The following KCNMB2 variants were observed in gnomAD, a reference collection of about 807,000 sequenced individuals.
The protein encoded by KCNMB2 is calcium-activated potassium channel subunit beta-2.
In KCNMB2, 9 loss-of-function variants were observed where a neutral mutation model predicts 24.5. That is an observed-to-expected ratio of 0.37 (90% CI 0.22 to 0.64). The LOEUF (loss-of-function observed/expected upper bound fraction) is 0.64, where lower values mean the gene tolerates loss of function less well. Among genes scored for constraint, KCNMB2 ranks in the 30% least tolerant of loss-of-function variants. The pLI, the probability that KCNMB2 is intolerant of heterozygous loss-of-function variation, is 0.63. For missense variants in KCNMB2, 226 were observed against 284.3 expected, an observed-to-expected ratio of 0.79 and a Z score of 1.47; for synonymous variants, 109 against 104.4, an observed-to-expected ratio of 1.04 and a Z score of -0.27.
chr3:178,711,929 T>C (rs755714969), intron 1 of KCNMB2, among the ~76,000 whole-genome samples: 8 of 152,218 alleles, frequency 5.3e-5, no homozygotes, highest in African/African-American at 9.6e-5. Flanking sequence ...GTTATGAGGA[T>C]TAACTAAAAT....
In KCNMB2 at chr3:178,749,844, T is replaced by C. The variant is rs115457287; in HGVS notation, c.-67-57499T>C. Among the ~76,000 whole-genome samples the C allele has an allele frequency of 2.7e-3, 407 of 152,312 alleles. 3 individuals are homozygous for C. The highest frequency in any genetic ancestry group is 9.2e-3 in the African/African-American group (381 of 41,574). ...GAAAATAGATGTATGAATACAGAGGTAGCTGAGAAGTGTTTCTAACCTCTG... is the reference window on the plus strand; with the variant it reads ...GAAAATAGATGTATGAATACAGAGGCAGCTGAGAAGTGTTTCTAACCTCTG... On this transcript the variant is annotated intron_variant, in intron 1 of 4. Transcript: ENST00000452583.
intron 1 of KCNMB2, among the ~76,000 whole-genome samples, chr3:178,668,062 G>A (rs1343982349): frequency 6.6e-6 from 1 of 152,140 alleles, no homozygotes; most frequent in Non-Finnish European, 1.5e-5. Context: ...TAAACATCCA[G>A]AAGAGAACTC....
intron 1 of KCNMB2, among the ~76,000 whole-genome samples, chr3:178,758,008 T>G (rs1167662956): frequency 1.3e-3 from 2 of 1,576 alleles, no homozygotes; most frequent in Non-Finnish European, 3.1e-3. Flanking sequence ...TCTAGATATA[T>G]ATATATATAT....
intron 2 of KCNMB2, among the ~76,000 whole-genome samples, chr3:178,813,482 A>G (rs1164895566): frequency 6.6e-6 from 1 of 152,170 alleles, no homozygotes; most frequent in Non-Finnish European, 1.5e-5. Flanking sequence ...TTTTCTATCA[A>G]TCAACCTTGT....
At chr3:178,778,072 T>A (rs1224456911) in intron 1 of KCNMB2, among the ~76,000 whole-genome samples, 2 of 152,276 alleles carry the variant, frequency 1.3e-5, no homozygotes, top group Non-Finnish European at 2.9e-5. Context: ...ACAATGACTA[T>A]TTTTTTACCT....
intron 1 of KCNMB2, among the ~76,000 whole-genome samples, chr3:178,771,132 T>C (rs1712332708): frequency 6.6e-6 from 1 of 152,152 alleles, no homozygotes; most frequent in Non-Finnish European, 1.5e-5. Context: ...GCTCTTCTTT[T>C]GCTCACACAC....
chr3:178,547,108 G>A (rs1423339143), intron 1 of KCNMB2, among the ~76,000 whole-genome samples: 2 of 152,210 alleles, frequency 1.3e-5, no homozygotes, highest in Admixed American at 6.5e-5. Flanking sequence ...TTTCGCTGGA[G>A]TGGGTTAGTT....
intron 1 of KCNMB2, among the ~76,000 whole-genome samples, chr3:178,549,469 C>T (rs1715875535): frequency 1.4e-5 from 2 of 147,228 alleles, no homozygotes; most frequent in Admixed American, 6.8e-5. Flanking sequence ...CACCACAATG[C>T]CCAGCTTTTT....
intron 1 of KCNMB2, among the ~76,000 whole-genome samples, chr3:178,803,604 T>G (rs1713855453): frequency 6.6e-6 from 1 of 152,208 alleles, no homozygotes; most frequent in African/African-American, 2.4e-5. Context: ...GACACAGTCC[T>G]GCCCTACAGA....
At chr3:178,737,206 G>T (rs1355756164) in intron 1 of KCNMB2, among the ~76,000 whole-genome samples, 2 of 152,064 alleles carry the variant, frequency 1.3e-5, no homozygotes, top group South Asian at 2.1e-4. Context: ...GGAGGCGGAG[G>T]TTGCAGTGAG....
intron 1 of KCNMB2, among the ~76,000 whole-genome samples, chr3:178,693,262 C>T (rs566663101): frequency 1.3e-5 from 2 of 152,278 alleles, no homozygotes; most frequent in East Asian, 3.9e-4. Context: ...GCCTGATTGT[C>T]CTGGCCAGGA....
intron 4 of KCNMB2, among the ~76,000 whole-genome samples, chr3:178,829,499 T>C (rs779709966): frequency 2.6e-5 from 4 of 152,196 alleles, no homozygotes; most frequent in Non-Finnish European, 4.4e-5. Context: ...TCAGAGAATG[T>C]TGTTTGAAAA....
intron 1 of KCNMB2, among the ~76,000 whole-genome samples, chr3:178,615,358 G>T (rs1362886076): frequency 6.6e-6 from 1 of 150,440 alleles, no homozygotes; most frequent in East Asian, 1.9e-4. Context: ...TTCCCTTCAG[G>T]ATGGTGAATT....
intron 1 of KCNMB2, among the ~76,000 whole-genome samples, chr3:178,670,558 T>A (rs982240989): frequency 6.6e-6 from 1 of 152,186 alleles, no homozygotes; most frequent in Non-Finnish European, 1.5e-5. Context: ...TGATGGCTCA[T>A]TGTTCAACTC....
intron 1 of KCNMB2, among the ~76,000 whole-genome samples, chr3:178,586,528 T>C (rs1717435922): frequency 7.2e-6 from 1 of 139,840 alleles, no homozygotes; most frequent in Middle Eastern, 3.6e-3. Context: ...CTTTTCTTTT[T>C]TTTTTCTTTC....
chr3:178,576,753 A>G (rs942959989), intron 1 of KCNMB2, among the ~76,000 whole-genome samples: 1 of 152,156 alleles, frequency 6.6e-6, no homozygotes, highest in African/African-American at 2.4e-5. Flanking sequence ...AGAGCCCACC[A>G]CACCTTGGCA....
intron 4 of KCNMB2, among the ~76,000 whole-genome samples, chr3:178,830,814 T>G (rs533118786): frequency 6.6e-6 from 1 of 152,304 alleles, no homozygotes; most frequent in African/African-American, 2.4e-5. Context: ...AGGAATCATT[T>G]AAATATGAAC....
At chr3:178,589,886 C>G (rs1482548626) in intron 1 of KCNMB2, among the ~76,000 whole-genome samples, 1 of 152,102 alleles carries the variant, frequency 6.6e-6, no homozygotes, top group Non-Finnish European at 1.5e-5. Flanking sequence ...AGTGGCAAGA[C>G]CAGGTAAAAG....
Position 178,807,476 on chromosome 3 carries a change from T to C in KCNMB2, c.56+11T>C. 1 of 1,611,018 alleles carries C rather than the reference T, an allele frequency of 6.2e-7. No homozygotes were observed. The highest frequency in any genetic ancestry group is 1.1e-5 in the South Asian group (1 of 90,988). On this transcript the variant is annotated intron_variant, in intron 2 of 4. Coordinates refer to ENST00000452583, the MANE Select transcript of KCNMB2 (RefSeq NM_181361.3). ...ACATGATGAAAAAAGGTAAATGCAC[T>C]GGGATTCTGGGCACTTTTCAGAAGC...
Sources: allele counts gnomAD v4.1 joint callset (sites outside exome capture counted in the v4.1 genomes callset), GRCh38; gene constraint gnomAD v4.1.1; transcripts MANE v1.5; gene names NCBI Gene and HGNC (gene_info 2026-07-23, HGNC 2026-07-21).